Variants in CPNE4 observed in about 807,000 individuals in gnomAD.
The protein encoded by CPNE4 is copine 4.
A neutral mutation model predicts 67.9 loss-of-function variants in CPNE4; 25 were observed. The ratio of observed to expected loss-of-function variants is 0.37; its 90% CI spans 0.27 to 0.51. The LOEUF (loss-of-function observed/expected upper bound fraction) is 0.51. CPNE4 is among the 20% of genes least tolerant of loss of function. CPNE4 has a pLI of 0.93. For synonymous variants in CPNE4, 242 were observed against 244.9 expected (o/e 0.99, Z 0.11); for missense variants, 464 against 690.8 (o/e 0.67, Z 3.68).
chr3:131,714,227 C>T (rs1004501388), intron 3 of CPNE4, among the ~76,000 whole-genome samples: 4 of 152,100 alleles, frequency 2.6e-5, no homozygotes, highest in African/African-American at 9.7e-5. Flanking sequence ...GTTCAGCAAC[C>T]TGGCTCATCC....
At chr3:131,906,346 G>A (rs2088759964) in intron 1 of CPNE4, among the ~76,000 whole-genome samples, 1 of 151,150 alleles carries the variant, frequency 6.6e-6, no homozygotes, top group Admixed American at 6.6e-5. Context: ...CCGCTGTGCT[G>A]CACCCATTAA....
At chr3:131,838,829 G>GTATA (rs147869766) in intron 2 of CPNE4, among the ~76,000 whole-genome samples, 1 of 150,268 alleles carries the variant, frequency 6.7e-6, no homozygotes, top group Non-Finnish European at 1.5e-5. Context: ...GAATATGTGT[G>GTATA]TATATATATA....
Position 131,843,764 on chromosome 3 carries a change from C to T in CPNE4, c.180+61500G>A, listed in dbSNP as rs141301540. Reference sequence around the variant, plus strand: ...ATGAAATGATACTCCATATATCAAGCACTGGAAGTGTGAGTCTGGCACACT... The same window carrying T: ...ATGAAATGATACTCCATATATCAAGTACTGGAAGTGTGAGTCTGGCACACT... On this transcript the variant is annotated intron_variant, in intron 2 of 15. Transcript: ENST00000429747. Among the ~76,000 whole-genome samples, 49 of 152,286 alleles carry T rather than the reference C, an allele frequency of 3.2e-4. No homozygotes were observed. In the East Asian group the frequency reaches 6.4e-3, roughly 20 times the overall value.
Position 131,586,726 on chromosome 3 carries a change from ATCTGTCTGTCTGTCTGTCTG to A in CPNE4, c.780+738_780+757del, listed in dbSNP as rs3039201. Reference sequence around the variant, plus strand: ...TGGGCCCAGATGACTTTCTATCTCTATCTGTCTGTCTGTCTGTCTGTCTGTCTGTCTGTCTGTCTGTCTGT... The same window carrying A: ...TGGGCCCAGATGACTTTCTATCTCTATCTGTCTGTCTGTCTGTCTGTCTGT... On this transcript the variant is annotated intron_variant, in intron 8 of 15. Coordinates refer to ENST00000429747, the MANE Select transcript of CPNE4 (RefSeq NM_130808.3). Among the ~76,000 whole-genome samples, 907 of 129,692 alleles carry A rather than the reference ATCTGTCTGTCTGTCTGTCTG, an allele frequency of 7.0e-3. 8 individuals are homozygous for A. Among genetic ancestry groups the A allele is most frequent in the African/African-American group, 0.031 (837 of 26,832 alleles). 85.1% of individuals were successfully genotyped at this position (129,692 alleles called of 152,430 possible). A position where few individuals can be genotyped will look rare whatever the true frequency, so the allele number is the denominator to read the frequency against.
chr3:131,923,550 C>A (rs1194601655), intron 1 of CPNE4, among the ~76,000 whole-genome samples: 1 of 151,472 alleles, frequency 6.6e-6, no homozygotes, highest in East Asian at 1.9e-4. Flanking sequence ...ACTAAAAATA[C>A]AAAAATTAGC....
chr3:131,670,622 T>C (rs1241096490), intron 6 of CPNE4, among the ~76,000 whole-genome samples: 1 of 152,170 alleles, frequency 6.6e-6, no homozygotes, highest in African/African-American at 2.4e-5. Flanking sequence ...GGAAACTTCT[T>C]AAAAACACAA....
chr3:131,702,507 G>A (rs77632287), intron 3 of CPNE4, among the ~76,000 whole-genome samples: 18,722 of 152,062 alleles, frequency 0.12, 1,228 homozygotes, highest in African/African-American at 0.16. Flanking sequence ...GAAAGGCAAT[G>A]TATCCCATTT....
chr3:131,696,171 G>T (rs1168112326), intron 5 of CPNE4, among the ~76,000 whole-genome samples: 1 of 152,180 alleles, frequency 6.6e-6, no homozygotes, highest in Non-Finnish European at 1.5e-5. Context: ...CACATAAAAA[G>T]CTCTTAAACC....
intron 3 of CPNE4, among the ~76,000 whole-genome samples, chr3:131,704,878 C>T (rs1014375260): frequency 3.8e-5 from 5 of 132,978 alleles, no homozygotes. Context: ...GAAGCTGTAA[C>T]CCCCAGAGTC....
intron 2 of CPNE4, among the ~76,000 whole-genome samples, chr3:131,899,007 T>A (rs937392626): frequency 6.6e-6 from 1 of 151,830 alleles, no homozygotes; most frequent in Non-Finnish European, 1.5e-5. Context: ...GTGTTACCCA[T>A]CCAAACCTTG....
At chr3:131,942,491 A>T (rs1161399565) in intron 1 of CPNE4, among the ~76,000 whole-genome samples, 137 of 148,138 alleles carry the variant, frequency 9.2e-4, no homozygotes, top group African/African-American at 2.5e-3. Context: ...AGAGAGAGAG[A>T]GAGAGAGAGA....
intron 2 of CPNE4, among the ~76,000 whole-genome samples, chr3:131,868,943 G>C (rs1345311351): frequency 1.3e-5 from 2 of 152,154 alleles, no homozygotes; most frequent in African/African-American, 2.4e-5. Flanking sequence ...AAGTATCTAA[G>C]TAAGAACTAG....
At chr3:131,955,425 T>G (rs999975713) in intron 1 of CPNE4, among the ~76,000 whole-genome samples, 9 of 134,956 alleles carry the variant, frequency 6.7e-5, no homozygotes, top group Non-Finnish European at 1.4e-4. Flanking sequence ...TTTTTTTTTT[T>G]TTTTTTTTTG....
At chr3:131,973,348 CA>C (rs1011008526) in intron 1 of CPNE4, among the ~76,000 whole-genome samples, 5 of 151,010 alleles carry the variant, frequency 3.3e-5, no homozygotes, top group African/African-American at 7.3e-5. Context: ...ATGTAGGGTG[CA>C]AAAAAAATGT....
chr3:131,891,043 T>C (rs2088092703), intron 2 of CPNE4, among the ~76,000 whole-genome samples: 1 of 152,128 alleles, frequency 6.6e-6, no homozygotes, highest in Non-Finnish European at 1.5e-5. Context: ...TAATAAGGTA[T>C]TGTGTACTTA....
At chr3:131,695,480 C>A (rs2081131132) in intron 5 of CPNE4, among the ~76,000 whole-genome samples, 1 of 152,152 alleles carries the variant, frequency 6.6e-6, no homozygotes, top group Admixed American at 6.6e-5. Flanking sequence ...TACTTAAGAG[C>A]ATACTAAGTG....
intron 2 of CPNE4, among the ~76,000 whole-genome samples, chr3:131,732,210 T>G (rs968058797): frequency 6.6e-6 from 1 of 152,204 alleles, no homozygotes; most frequent in Non-Finnish European, 1.5e-5. Flanking sequence ...CCATTTTGAC[T>G]GCTGCTTATG....
intron 7 of CPNE4, among the ~76,000 whole-genome samples, chr3:131,635,165 T>C (rs2079343030): frequency 6.6e-6 from 1 of 152,170 alleles, no homozygotes. Flanking sequence ...CCACTTAAAA[T>C]AGATTTCTAA....
intron 1 of CPNE4, among the ~76,000 whole-genome samples, chr3:131,950,373 C>T (rs1870714): frequency 0.15 from 22,759 of 152,188 alleles, 2,281 homozygotes; most frequent in East Asian, 0.33. Context: ...TTCAGCACTA[C>T]TCTTAGGGGC....
Sources: allele counts gnomAD v4.1 joint callset (sites outside exome capture counted in the v4.1 genomes callset), GRCh38; gene constraint gnomAD v4.1.1; transcripts MANE v1.5; gene names NCBI Gene and HGNC (gene_info 2026-07-23, HGNC 2026-07-21).